NAALADL2: variants seen among roughly 807,000 people sequenced by gnomAD.
NAALADL2 encodes N-acetylated alpha-linked acidic dipeptidase like 2, also known as inactive N-acetylated-alpha-linked acidic dipeptidase-like protein 2.
Under a neutral mutation model 87.2 loss-of-function variants are expected in NAALADL2, and 76 were observed. The observed-to-expected ratio is 0.87, with a 90% CI of 0.72 to 1.05. The LOEUF is 1.05. Ranked by LOEUF, NAALADL2 falls within the 50% of genes least tolerant of loss-of-function variation. The pLI is 0.00. For missense variants in NAALADL2, 1,089 were observed against 945.8 expected (o/e 1.15, Z -1.99); for synonymous variants, 354 against 331.0 (o/e 1.07, Z -0.75).
chr3:174,909,188 G>A (rs1388612220), intron 1 of NAALADL2, among the ~76,000 whole-genome samples: 1 of 152,070 alleles, frequency 6.6e-6, no homozygotes, highest in Non-Finnish European at 1.5e-5. Flanking sequence ...GAGGTCAGGA[G>A]TTCAAGACCA....
At chr3:174,477,988 A>G (rs981487098) in intron 1 of NAALADL2, among the ~76,000 whole-genome samples, 4 of 152,188 alleles carry the variant, frequency 2.6e-5, no homozygotes, top group Non-Finnish European at 4.4e-5. Context: ...GAAGAGTATA[A>G]TAGGGAATTG....
chr3:175,619,346 A>G (rs1725871385), intron 10 of NAALADL2, among the ~76,000 whole-genome samples: 1 of 152,076 alleles, frequency 6.6e-6, no homozygotes, highest in Non-Finnish European at 1.5e-5. Flanking sequence ...CAAAGAAAGA[A>G]TGAATCCCAG....
chr3:175,131,154 C>CTT (rs757205472), intron 2 of NAALADL2, among the ~76,000 whole-genome samples: 17 of 130,820 alleles, frequency 1.3e-4, no homozygotes, highest in Non-Finnish European at 2.6e-4. Context: ...GTATTTTATT[C>CTT]TTTTTTTTTT....
rs954013017 is a variant in NAALADL2 at position 175,016,370 on chromosome 3, A to G, written c.44-80420A>G. Among the ~76,000 whole-genome samples, 12 of 150,960 alleles carry G rather than the reference A, an allele frequency of 7.9e-5. No individual in the cohort carries two copies. The East Asian group carries it at 1.7e-3, about 22-fold the overall frequency. ...ACAACATTACAACAGTAGCATATCT[A>G]TTGACAAGGAAAGATGCTTAGGATA... On this transcript the variant is annotated intron_variant, in intron 1 of 13. Transcript: ENST00000454872.
chr3:175,798,696 T>A (rs374316014), intron 13 of NAALADL2, among the ~76,000 whole-genome samples: 1 of 152,034 alleles, frequency 6.6e-6, no homozygotes, highest in Non-Finnish European at 1.5e-5. Flanking sequence ...ACCTGAACAT[T>A]TTTTTAGGAT....
At chr3:175,045,227 T>C (rs890516446) in intron 1 of NAALADL2, among the ~76,000 whole-genome samples, 1 of 152,142 alleles carries the variant, frequency 6.6e-6, no homozygotes, top group African/African-American at 2.4e-5. Context: ...AGTCTAACTT[T>C]CATACTGCAT....
intron 11 of NAALADL2, among the ~76,000 whole-genome samples, chr3:175,707,083 T>C (rs1357842197): frequency 6.6e-6 from 1 of 152,122 alleles, no homozygotes; most frequent in Non-Finnish European, 1.5e-5. Context: ...TAAGAAGTCA[T>C]TGTGATAATT....
intron 1 of NAALADL2, among the ~76,000 whole-genome samples, chr3:175,077,517 ACTTTGTTT>A (rs1397509906): frequency 6.6e-6 from 1 of 152,218 alleles, no homozygotes; most frequent in Non-Finnish European, 1.5e-5. Flanking sequence ...AATATTTCTA[ACTTTGTTT>A]CTTATGCATA....
intron 3 of NAALADL2, among the ~76,000 whole-genome samples, chr3:174,772,264 T>G (rs1714666688): frequency 6.6e-6 from 1 of 152,254 alleles, no homozygotes; most frequent in East Asian, 1.9e-4. Flanking sequence ...TAAAAATATG[T>G]GTGTAGGGTT....
At chr3:174,922,485 T>G (rs999479630) in intron 1 of NAALADL2, among the ~76,000 whole-genome samples, 5 of 152,130 alleles carry the variant, frequency 3.3e-5, no homozygotes, top group African/African-American at 1.2e-4. Context: ...GACCTGGAAA[T>G]TAACTGTAGG....
intron 1 of NAALADL2, among the ~76,000 whole-genome samples, chr3:175,048,626 T>TATA (rs1270170130): frequency 1.3e-5 from 2 of 152,132 alleles, no homozygotes; most frequent in Non-Finnish European, 2.9e-5. Context: ...ATGCATCATT[T>TATA]GGTTTACTTA....
intron 4 of NAALADL2, among the ~76,000 whole-genome samples, chr3:175,280,076 G>T (rs1198650635): frequency 4.0e-5 from 6 of 151,474 alleles, no homozygotes; most frequent in Admixed American, 3.9e-4. Context: ...ATTTAGAGAA[G>T]ATCCTGGGAA....
chr3:174,896,912 A>C (rs1731606976), intron 1 of NAALADL2, among the ~76,000 whole-genome samples: 1 of 152,174 alleles, frequency 6.6e-6, no homozygotes. Context: ...TTCCAAAAGC[A>C]TGCACTGGGG....
chr3:174,816,274 AG>A (rs1286567587), intron 3 of NAALADL2, among the ~76,000 whole-genome samples: 1 of 150,864 alleles, frequency 6.6e-6, no homozygotes, highest in African/African-American at 2.4e-5. Flanking sequence ...CTGTATATAC[AG>A]AGAGAGAGAA....
chr3:175,783,825 T>G (rs1323914539), intron 13 of NAALADL2, among the ~76,000 whole-genome samples: 1 of 149,124 alleles, frequency 6.7e-6, no homozygotes, highest in Non-Finnish European at 1.5e-5. Context: ...TTCAGTATGA[T>G]GTTGGCTGTG....
intron 11 of NAALADL2, among the ~76,000 whole-genome samples, chr3:175,634,340 A>T (rs958425274): frequency 1.3e-5 from 2 of 152,070 alleles, no homozygotes; most frequent in South Asian, 4.1e-4. Context: ...TGTCATGTTT[A>T]AAACATGTTT....
chr3:175,305,227 GGTGT>G (rs547744658), intron 4 of NAALADL2, among the ~76,000 whole-genome samples: 2 of 147,372 alleles, frequency 1.4e-5, no homozygotes, highest in Admixed American at 1.3e-4. Flanking sequence ...ATGCTTACAT[GGTGT>G]GTGTGTGTGT....
intron 2 of NAALADL2, among the ~76,000 whole-genome samples, chr3:175,131,974 G>C (rs1346509108): frequency 1.7e-5 from 2 of 117,630 alleles, no homozygotes; most frequent in Non-Finnish European, 3.6e-5. Flanking sequence ...CCTCCCGGAC[G>C]GGGCAGCTGG....
At chr3:174,947,217 C>T (rs1002034559) in intron 1 of NAALADL2, among the ~76,000 whole-genome samples, 30 of 152,256 alleles carry the variant, frequency 2.0e-4, no homozygotes, top group African/African-American at 7.2e-4. Context: ...AGGTTAAAAG[C>T]AACTCTCAGC....
Sources: gnomAD v4.1 joint callset for allele counts (sites outside exome capture counted in the v4.1 genomes callset) on GRCh38, gnomAD v4.1.1 for gene constraint, MANE v1.5 for transcripts, NCBI Gene and HGNC (gene_info 2026-07-23, HGNC 2026-07-21) for gene names.